CLSTN1: variants seen among roughly 807,000 people sequenced by gnomAD.
CLSTN1 encodes calsyntenin 1, also known as calsyntenin-1.
A neutral mutation model predicts 108.3 loss-of-function variants in CLSTN1; 28 were observed. That is an observed-to-expected ratio of 0.26 (90% CI 0.19 to 0.35). The LOEUF is 0.35. CLSTN1 is among the 10% of genes least tolerant of loss of function. The pLI is 1.00. For missense variants in CLSTN1, 1,157 were observed against 1,302.6 expected (o/e 0.89, Z 1.72); for synonymous variants, 524 against 534.9 (o/e 0.98, Z 0.28).
chr1:9,735,303 C>T, intron 13 of CLSTN1, 129 bp from the exon 14 acceptor site: 1 of 1,366,514 alleles, frequency 7.3e-7, no homozygotes, highest in Non-Finnish European at 1.0e-6. Context: ...CAGGAACACA[C>T]TTGCAAACAA....
chr1:9,759,033 C>G (rs1393687971), intron 2 of CLSTN1, among the ~76,000 whole-genome samples: 1 of 152,100 alleles, frequency 6.6e-6, no homozygotes, highest in African/African-American at 2.4e-5. Flanking sequence ...GGCCAGTTCT[C>G]AAGGGCCCAG....
At chr1:9,818,139 C>G (rs1257012029) in intron 1 of CLSTN1, among the ~76,000 whole-genome samples, 2 of 151,422 alleles carry the variant, frequency 1.3e-5, no homozygotes, top group Non-Finnish European at 2.9e-5. Flanking sequence ...TCCTGAGTAG[C>G]TGGGACTACA....
intron 1 of CLSTN1, among the ~76,000 whole-genome samples, chr1:9,810,647 C>T (rs893648942): frequency 2.0e-5 from 3 of 151,756 alleles, no homozygotes; most frequent in Non-Finnish European, 2.9e-5. Flanking sequence ...TGGTGGTGTA[C>T]ACCTATAATC....
chr1:9,813,959 G>C (rs751242527), intron 1 of CLSTN1, among the ~76,000 whole-genome samples: 1 of 151,860 alleles, frequency 6.6e-6, no homozygotes, highest in South Asian at 2.1e-4. Context: ...AAAATTAGCC[G>C]GGCGCAGTGG....
chr1:9,787,402 ATT>A (rs70998310), intron 1 of CLSTN1, among the ~76,000 whole-genome samples: 19 of 136,512 alleles, frequency 1.4e-4, no homozygotes, highest in Admixed American at 1.5e-4. Flanking sequence ...GAGCCTTCTA[ATT>A]TTTTTTTTTT....
chr1:9,736,168 C>A, intron 11 of CLSTN1, 126 bp from the exon 12 acceptor site: 1 of 1,113,298 alleles, frequency 9.0e-7, no homozygotes, highest in Non-Finnish European at 1.3e-6. Context: ...TAGTTCATAC[C>A]AAGTCCTGTT....
chr1:9,761,533 T>G (rs1261954436), intron 2 of CLSTN1, among the ~76,000 whole-genome samples: 1 of 152,090 alleles, frequency 6.6e-6, no homozygotes, highest in African/African-American at 2.4e-5. Context: ...TTAAGGAATT[T>G]TTAAAGCAAA....
At chr1:9,801,166 A>C (rs1654246897) in intron 1 of CLSTN1, among the ~76,000 whole-genome samples, 1 of 151,980 alleles carries the variant, frequency 6.6e-6, no homozygotes, top group South Asian at 2.1e-4. Flanking sequence ...GAATCACTTG[A>C]CCCAGGCGGC....
At chr1:9,798,685 GC>G (rs1654121821) in intron 1 of CLSTN1, among the ~76,000 whole-genome samples, 1 of 152,182 alleles carries the variant, frequency 6.6e-6, no homozygotes, top group African/African-American at 2.4e-5. Context: ...GTTGCACAAT[GC>G]TGAATGTACT....
At chr1:9,822,680 T>G (rs1010871080) in intron 1 of CLSTN1, among the ~76,000 whole-genome samples, 4 of 152,328 alleles carry the variant, frequency 2.6e-5, no homozygotes, top group African/African-American at 9.6e-5. Context: ...CTGCAATGCG[T>G]AAGCTTTTCG....
In CLSTN1 at chr1:9,741,074, C is replaced by CGGG; in HGVS notation, c.1519+17_1519+19dup. The CGGG allele has an allele frequency of 6.2e-7, 1 of 1,606,600 alleles. No individual in the cohort carries two copies. Among genetic ancestry groups the CGGG allele is most frequent in the Non-Finnish European group, 8.5e-7 (1 of 1,174,770 alleles). On this transcript the variant is annotated intron_variant, in intron 10 of 18. Transcript: ENST00000377298. ...TACAACTTAATTCTCGAGTCGAGGG[C>CGGG]GGGGGGTAATGACAGGTACCTTGCC...
intron 1 of CLSTN1, among the ~76,000 whole-genome samples, chr1:9,776,518 T>A (rs143229243): frequency 1.3e-5 from 2 of 151,672 alleles, no homozygotes; most frequent in Non-Finnish European, 2.9e-5. Context: ...TGCTGTAGTT[T>A]ACATTTAAAA....
intron 2 of CLSTN1, among the ~76,000 whole-genome samples, chr1:9,764,749 T>G (rs1652245092): frequency 1.3e-5 from 2 of 151,742 alleles, no homozygotes. Flanking sequence ...CTCTGTCACT[T>G]GGGGCTGAAC....
Position 9,766,034 on chromosome 1 carries a change from G to T in CLSTN1, c.214+7238C>A, listed in dbSNP as rs140109288. 4.3e-3 allele frequency among the ~76,000 whole-genome samples: 662 copies of T among 152,216 alleles called. 12 individuals carry two copies. Among genetic ancestry groups the T allele is most frequent in the East Asian group, 0.043 (223 of 5,182 alleles). The stretch of plus-strand genomic sequence containing the variant: ...GCATGTGAATCACATTCATAACAAA[G>T]AATACAGACAAGAGTATCACAGGGC... On this transcript the variant is annotated intron_variant, in intron 2 of 18. Transcript: ENST00000377298.
Position 9,755,248 on chromosome 1 carries a change from A to G in CLSTN1, c.306T>C (p.Asp102=). Residue 102 remains aspartate, a synonymous_variant, in exon 4 of 19, where the codon GAT becomes GAC. Coordinates refer to ENST00000377298, the MANE Select transcript of CLSTN1 (RefSeq NM_001009566.3). ...GAATGACTCCCTCACCAGTGGATTT[A>G]TCCACTACCACTGCATCAAAGGGGA... ...QNVPFDAVVV[D]KSTGEGVIRS... is the part of the protein sequence containing the mutation. 5 of 1,614,060 alleles carry G rather than the reference A, an allele frequency of 3.1e-6. No individual in the cohort carries two copies. Among genetic ancestry groups the G allele is most frequent in the Non-Finnish European group, 4.2e-6 (5 of 1,179,974 alleles).
chr1:9,776,259 G>A (rs1254903746), intron 1 of CLSTN1, among the ~76,000 whole-genome samples: 2 of 151,122 alleles, frequency 1.3e-5, no homozygotes, highest in African/African-American at 2.4e-5. Flanking sequence ...GAGCCACTGC[G>A]CCAAGCCGCT....
In CLSTN1 at chr1:9,730,184, G is replaced by A. The variant is rs1166019826; in HGVS notation, c.*324C>T. The stretch of plus-strand genomic sequence containing the variant: ...CGAGCCCAGCTGGCATGGCTTTTCT[G>A]GAGTGCGAGGGGCCAGTGTCCTCTC... On this transcript the variant is annotated 3_prime_UTR_variant, in exon 19 of 19. Transcript: ENST00000377298. This position sits in a 1 kb window ranked among gnomAD's most constrained non-coding sequence, Gnocchi z 5.6. 2.5e-6 allele frequency: 1 copy of A among 394,164 alleles called. No individual in the cohort carries two copies. Among genetic ancestry groups the A allele is most frequent in the East Asian group, 4.2e-5 (1 of 23,918 alleles). The allele number at this position is 394,164 out of a possible 1,614,324, so 24.4% of individuals were successfully genotyped here.
chr1:9,743,846 C>A (rs1446390795), intron 9 of CLSTN1, 38 bp downstream of exon 9: 1 of 1,610,902 alleles, frequency 6.2e-7, no homozygotes, highest in Admixed American at 1.7e-5. Flanking sequence ...GTGTGAGCAC[C>A]TTGCCCGGCC....
At chr1:9,771,277 C>A (rs1652660792) in intron 2 of CLSTN1, among the ~76,000 whole-genome samples, 1 of 152,114 alleles carries the variant, frequency 6.6e-6, no homozygotes, top group South Asian at 2.1e-4. Flanking sequence ...GCCAGGAGTT[C>A]GAGACCAGCC....
Sources: gnomAD v4.1 joint callset for allele counts (sites outside exome capture counted in the v4.1 genomes callset) on GRCh38, gnomAD v4.1.1 for gene constraint, Gnocchi (gnomAD v3.1) non-coding constraint, MANE v1.5 for transcripts, NCBI Gene and HGNC (gene_info 2026-07-23, HGNC 2026-07-21) for gene names.